Variants in PDGFC observed in about 807,000 individuals in gnomAD.
PDGFC encodes the protein platelet-derived growth factor C.
In PDGFC, 12 loss-of-function variants were observed where a neutral mutation model predicts 35.5. The ratio of observed to expected loss-of-function variants is 0.34; its 90% CI spans 0.22 to 0.55. PDGFC has a LOEUF of 0.55. Ranked by LOEUF, PDGFC falls within the 20% of genes least tolerant of loss-of-function variation. The pLI, the probability that PDGFC is intolerant of heterozygous loss-of-function variation, is 0.91. For missense variants in PDGFC, 322 were observed against 412.4 expected, an observed-to-expected ratio of 0.78 and a Z score of 1.90; for synonymous variants, 159 against 148.8, an observed-to-expected ratio of 1.07 and a Z score of -0.50.
At chr4:156,964,017 A>C (rs1732403752) in intron 1 of PDGFC, among the ~76,000 whole-genome samples, 1 of 152,042 alleles carries the variant, frequency 6.6e-6, no homozygotes, top group African/African-American at 2.4e-5. Context: ...TCTGAATAGA[A>C]TATCCCATAG....
At chr4:156,816,373 T>C (rs1732087230) in intron 2 of PDGFC, among the ~76,000 whole-genome samples, 2 of 152,220 alleles carry the variant, frequency 1.3e-5, no homozygotes, top group East Asian at 1.9e-4. Context: ...GCTTATGCTT[T>C]AGTTTAGCAG....
At chr4:156,958,567 T>C (rs1423406932) in intron 1 of PDGFC, among the ~76,000 whole-genome samples, 1 of 152,054 alleles carries the variant, frequency 6.6e-6, no homozygotes, top group African/African-American at 2.4e-5. Context: ...GAGCCAACCA[T>C]GTTTGACAGA....
chr4:156,793,523 T>C (rs1319090316), intron 3 of PDGFC, among the ~76,000 whole-genome samples: 1 of 129,112 alleles, frequency 7.7e-6, no homozygotes, highest in Non-Finnish European at 1.6e-5. Flanking sequence ...ATAATACATA[T>C]GAATTATGTG....
At chr4:156,878,656 T>A (rs1730172122) in intron 1 of PDGFC, among the ~76,000 whole-genome samples, 2 of 152,156 alleles carry the variant, frequency 1.3e-5, no homozygotes, top group Admixed American at 6.5e-5. Flanking sequence ...TGCAATATAC[T>A]CCAATGAGAA....
At chr4:156,876,526 T>C (rs1730120105) in intron 1 of PDGFC, 1 of 152,156 alleles carries the variant, frequency 6.6e-6, no homozygotes, top group African/African-American at 2.4e-5. Flanking sequence ...AATTAAGTCA[T>C]AGGGAAATAC....
chr4:156,915,203 A>T (rs1211351294), intron 1 of PDGFC, among the ~76,000 whole-genome samples: 1 of 152,204 alleles, frequency 6.6e-6, no homozygotes, highest in African/African-American at 2.4e-5. Context: ...TCTTCCAACC[A>T]TGCTTTCTAT....
intron 1 of PDGFC, among the ~76,000 whole-genome samples, chr4:156,857,291 AAC>A (rs1419214323): frequency 6.6e-6 from 1 of 152,128 alleles, no homozygotes; most frequent in African/African-American, 2.4e-5. Context: ...TGTAAGATAT[AAC>A]ACATCATTGG....
chr4:156,943,676 A>G (rs1034458840), intron 1 of PDGFC, among the ~76,000 whole-genome samples: 4 of 152,070 alleles, frequency 2.6e-5, no homozygotes, highest in Non-Finnish European at 5.9e-5. Flanking sequence ...TCTAGCCAAG[A>G]AGATGGGCAG....
intron 2 of PDGFC, among the ~76,000 whole-genome samples, chr4:156,833,554 C>T (rs542132850): frequency 3.3e-5 from 5 of 152,238 alleles, no homozygotes; most frequent in East Asian, 3.9e-4. Context: ...TGTGATTAAA[C>T]TTACATTACT....
chr4:156,803,730 CAAAATT>C (rs1375601876), intron 3 of PDGFC, among the ~76,000 whole-genome samples: 1 of 151,732 alleles, frequency 6.6e-6, no homozygotes, highest in East Asian at 1.9e-4. Flanking sequence ...AATTAACTGA[CAAAATT>C]AAAATTAAAT....
chr4:156,850,446 CA>C (rs1729427034), intron 1 of PDGFC, 30 bp from the exon 2 acceptor site: 1 of 1,335,250 alleles, frequency 7.5e-7, no homozygotes, highest in African/African-American at 1.5e-5. Context: ...CATAGACATA[CA>C]TTTAGATTTC....
chr4:156,783,305 G>C (rs1384523014), intron 3 of PDGFC, among the ~76,000 whole-genome samples: 1 of 152,096 alleles, frequency 6.6e-6, no homozygotes, highest in Non-Finnish European at 1.5e-5. Flanking sequence ...TCACAAAGCA[G>C]TACAAGAGTC....
chr4:156,882,296 G>A (rs1169784259), intron 1 of PDGFC, among the ~76,000 whole-genome samples: 1 of 152,064 alleles, frequency 6.6e-6, no homozygotes, highest in East Asian at 1.9e-4. Flanking sequence ...TGCTCTGACC[G>A]AAGTATTTTA....
In PDGFC at chr4:156,834,970, A is replaced by C. The variant is rs2111034863; in HGVS notation, c.314+15251T>G. On this transcript the variant is annotated intron_variant, in intron 2 of 5. Coordinates refer to ENST00000502773, the MANE Select transcript of PDGFC (RefSeq NM_016205.3). ...AGCTTGATAGATTTTTAAGCAGTAA[A>C]ATTTTTGCCATATTATATTTAATTT... Among the ~76,000 whole-genome samples the C allele has an allele frequency of 2.0e-5, 3 of 152,190 alleles. No homozygotes were observed. The East Asian group carries it at 5.8e-4, about 29-fold the overall frequency.
chr4:156,817,141 C>T (rs967738875), intron 2 of PDGFC, among the ~76,000 whole-genome samples: 1 of 151,858 alleles, frequency 6.6e-6, no homozygotes, highest in Non-Finnish European at 1.5e-5. Context: ...CATTTAAAAT[C>T]ATGTTATTAC....
At position 156,810,979 on chromosome 4, in the gene PDGFC, G is replaced by A. The variant is rs1731918518; in HGVS notation, c.353C>T (p.Thr118Ile). Residue 118 changes from threonine (T) to isoleucine (I), a missense_variant, in exon 3 of 6, where the codon ACT (threonine) becomes ATT (isoleucine). Thr to Ile is a moderately conservative substitution (Grantham distance 89). This residue lies in a region of PDGFC where 202 missense variants were observed against 295.9 expected (regional missense o/e 0.68). Transcript: ENST00000502773. The part of the protein sequence containing the change: ...FVEVEEPSDG[T>I]ILGRWCGSGT... Reference sequence around the variant, plus strand: ...AGAACCACACCAGCGCCCTAATATAGTTCCATCACTGGGTTCCTCAACTTC... The same window carrying A: ...AGAACCACACCAGCGCCCTAATATAATTCCATCACTGGGTTCCTCAACTTC... 6.3e-7 allele frequency: 1 copy of A among 1,594,354 alleles called. No homozygotes were observed. The highest frequency in any genetic ancestry group is 1.4e-5 in the African/African-American group (1 of 73,522).
At chr4:156,895,547 G>A (rs923303811) in intron 1 of PDGFC, among the ~76,000 whole-genome samples, 1 of 151,642 alleles carries the variant, frequency 6.6e-6, no homozygotes, top group African/African-American at 2.4e-5. Flanking sequence ...CAGGAGAATT[G>A]CTTGAACCCG....
chr4:156,778,269 T>C (rs1730880214), intron 3 of PDGFC: 2 of 340,714 alleles, frequency 5.9e-6, no homozygotes, highest in South Asian at 2.2e-5. Flanking sequence ...GAATCTGCTA[T>C]TATGAATCAC....
chr4:156,814,694 T>C (rs901453129), intron 2 of PDGFC, among the ~76,000 whole-genome samples: 2 of 152,222 alleles, frequency 1.3e-5, no homozygotes, highest in African/African-American at 4.8e-5. Context: ...ATTTTCTTTT[T>C]ATTTCTGTTT....
Sources: allele counts gnomAD v4.1 joint callset (sites outside exome capture counted in the v4.1 genomes callset), GRCh38; gene constraint gnomAD v4.1.1; regional missense constraint gnomAD v4.1.1; transcripts MANE v1.5; gene names NCBI Gene and HGNC (gene_info 2026-07-23, HGNC 2026-07-21).